Variants in DCC observed in about 807,000 individuals in gnomAD.
The protein encoded by DCC is DCC netrin 1 receptor.
Under a neutral mutation model 172.5 loss-of-function variants are expected in DCC, and 58 were observed. The observed-to-expected ratio is 0.34, with a 90% CI of 0.27 to 0.42. The LOEUF (loss-of-function observed/expected upper bound fraction) is 0.42. Among genes scored for constraint, DCC ranks in the 10% least tolerant of loss-of-function variants. The probability of loss-of-function intolerance (pLI) is 1.00; values close to 1 mark genes in which losing one functional copy is unlikely to be tolerated. For missense variants in DCC, 1,740 were observed against 1,791.0 expected, an observed-to-expected ratio of 0.97 and a Z score of 0.51; for synonymous variants, 709 against 644.5, an observed-to-expected ratio of 1.10 and a Z score of -1.52.
chr18:52,932,229 G>A (rs1258567732), intron 5 of DCC, among the ~76,000 whole-genome samples: 2 of 151,986 alleles, frequency 1.3e-5, no homozygotes, highest in East Asian at 3.9e-4. Context: ...CAGCTTTCTG[G>A]CTCAAGGATT....
chr18:52,354,541 A>G (rs1984275457), intron 1 of DCC, among the ~76,000 whole-genome samples: 1 of 152,160 alleles, frequency 6.6e-6, no homozygotes, highest in South Asian at 2.1e-4. Context: ...CAGAGAACGC[A>G]TTTTTGAATC....
At chr18:52,646,768 A>C (rs2035027234) in intron 1 of DCC, among the ~76,000 whole-genome samples, 1 of 152,238 alleles carries the variant, frequency 6.6e-6, no homozygotes, top group Admixed American at 6.5e-5. Context: ...CCTCCAGTAC[A>C]TGGAGACATT....
intron 2 of DCC, among the ~76,000 whole-genome samples, chr18:52,845,149 T>A (rs1392685338): frequency 6.6e-6 from 1 of 152,050 alleles, no homozygotes; most frequent in African/African-American, 2.4e-5. Flanking sequence ...AAACATAAGG[T>A]TTAAAAGCAG....
intron 5 of DCC, among the ~76,000 whole-genome samples, chr18:52,949,497 C>T (rs147750398): frequency 2.6e-5 from 4 of 152,284 alleles, no homozygotes; most frequent in Admixed American, 1.3e-4. Context: ...ATTATTTGTA[C>T]TTCCATTATT....
intron 27 of DCC, among the ~76,000 whole-genome samples, chr18:53,508,724 C>T (rs1341247142): frequency 6.6e-6 from 1 of 152,016 alleles, no homozygotes; most frequent in Admixed American, 6.6e-5. Context: ...TAAGTTGAGC[C>T]CAGTGAAGTT....
intron 3 of DCC, among the ~76,000 whole-genome samples, chr18:52,914,910 C>A (rs1005394897): frequency 2.6e-5 from 4 of 152,096 alleles, no homozygotes; most frequent in African/African-American, 9.7e-5. Context: ...CAGTAGCCTG[C>A]AGTGCCCTTT....
At chr18:53,297,362 G>T (rs925150191) in intron 12 of DCC, among the ~76,000 whole-genome samples, 1 of 152,188 alleles carries the variant, frequency 6.6e-6, no homozygotes, top group Non-Finnish European at 1.5e-5. Context: ...TCAAAGAGGG[G>T]ATGGAGGAAT....
At chr18:53,070,685 G>A (rs929219820) in intron 7 of DCC, among the ~76,000 whole-genome samples, 6 of 152,192 alleles carry the variant, frequency 3.9e-5, no homozygotes, top group Admixed American at 1.3e-4. Context: ...AGTGTTGTCA[G>A]TGGCATCTAC....
chr18:53,507,698 A>G (rs2046198454), intron 27 of DCC, among the ~76,000 whole-genome samples: 1 of 152,178 alleles, frequency 6.6e-6, no homozygotes, highest in Admixed American at 6.5e-5. Flanking sequence ...TATGCCTCTC[A>G]TTTTGAAATG....
At chr18:53,455,663 C>T (rs1401977637) in intron 23 of DCC, among the ~76,000 whole-genome samples, 4 of 152,158 alleles carry the variant, frequency 2.6e-5, no homozygotes, top group African/African-American at 9.7e-5. Context: ...TTAATATTAA[C>T]TCTCAAGCTA....
chr18:53,365,196 A>G (rs962681548), intron 15 of DCC, among the ~76,000 whole-genome samples: 5 of 151,808 alleles, frequency 3.3e-5, no homozygotes, highest in African/African-American at 9.7e-5. Flanking sequence ...TGTCCTTGCA[A>G]TAGTTTACTG....
At chr18:52,543,544 C>A (rs1176885549) in intron 1 of DCC, among the ~76,000 whole-genome samples, 4 of 152,144 alleles carry the variant, frequency 2.6e-5, no homozygotes, top group Non-Finnish European at 5.9e-5. Context: ...GAAGAATGGA[C>A]ATCCTTTTCC....
chr18:52,775,682 TCCCTCATG>T (rs1234057335), intron 2 of DCC, among the ~76,000 whole-genome samples: 2 of 152,164 alleles, frequency 1.3e-5, no homozygotes, highest in Non-Finnish European at 2.9e-5. Flanking sequence ...GCCAGAGTGC[TCCCTCATG>T]CCCTCTTGCC....
At chr18:53,135,745 T>G (rs1426698808) in intron 7 of DCC, among the ~76,000 whole-genome samples, 1 of 152,196 alleles carries the variant, frequency 6.6e-6, no homozygotes, top group Non-Finnish European at 1.5e-5. Flanking sequence ...GATGGCTGAA[T>G]GGAATAACAG....
At chr18:52,486,637 C>T (rs984928382) in intron 1 of DCC, among the ~76,000 whole-genome samples, 3 of 152,080 alleles carry the variant, frequency 2.0e-5, no homozygotes, top group African/African-American at 7.2e-5. Flanking sequence ...TTCTCCCTGG[C>T]TCATTTTCTT....
intron 1 of DCC, among the ~76,000 whole-genome samples, chr18:52,434,030 AGC>A (rs1987710189): frequency 6.6e-6 from 1 of 152,230 alleles, no homozygotes; most frequent in South Asian, 2.1e-4. Context: ...TGTGGTGTAA[AGC>A]CATTTCAATT....
At chr18:53,334,212 G>GA (rs2057565794) in intron 14 of DCC, among the ~76,000 whole-genome samples, 1 of 152,008 alleles carries the variant, frequency 6.6e-6, no homozygotes, top group South Asian at 2.1e-4. Context: ...TTTTCACCCA[G>GA]AAAAATAGAG....
At chr18:52,938,287 CAGTG>C (rs1952664849) in intron 5 of DCC, among the ~76,000 whole-genome samples, 1 of 152,040 alleles carries the variant, frequency 6.6e-6, no homozygotes, top group Admixed American at 6.6e-5. Context: ...TTAAGCAAGA[CAGTG>C]AGATTTATCA....
At position 53,410,598 on chromosome 18, in the gene DCC, A is replaced by G. The variant is rs921279625; in HGVS notation, c.3082A>G (p.Lys1028Glu). ...YYFRIQARNS[K>E]GVGPLSDPIL... ...CTTTCGAATTCAAGCACGAAATTCA[A>G]AAGGAGTGGGGCCACTCTCTGATCC... The change falls in exon 20 of 29, where the codon AAA becomes GAA. Residue 1028 changes from lysine (K) to glutamate (E), a missense_variant. This residue lies in a region of DCC where 1,732 missense variants were observed against 1,767.4 expected (regional missense o/e 0.98). Coordinates refer to ENST00000442544, the MANE Select transcript of DCC (RefSeq NM_005215.4). The G allele has an allele frequency of 1.1e-5, 17 of 1,611,318 alleles. No individual in the cohort carries two copies. The highest frequency in any genetic ancestry group is 1.4e-5 in the Non-Finnish European group (16 of 1,177,592).
Sources: allele counts gnomAD v4.1 joint callset (sites outside exome capture counted in the v4.1 genomes callset), GRCh38; gene constraint gnomAD v4.1.1; regional missense constraint gnomAD v4.1.1; transcripts MANE v1.5; gene names NCBI Gene and HGNC (gene_info 2026-07-23, HGNC 2026-07-21).